KCNC2: variants seen among roughly 807,000 people sequenced by gnomAD.
The protein encoded by KCNC2 is voltage-gated potassium channel KCNC2.
Under a neutral mutation model 44.5 loss-of-function variants are expected in KCNC2, and 21 were observed. The ratio of observed to expected loss-of-function variants is 0.47; its 90% CI spans 0.33 to 0.68. KCNC2 has a LOEUF of 0.68. KCNC2 is among the 30% of genes least tolerant of loss of function. The pLI, the probability that KCNC2 is intolerant of heterozygous loss-of-function variation, is 0.01. For synonymous variants in KCNC2, 391 were observed against 339.1 expected, an observed-to-expected ratio of 1.15 and a Z score of -1.68; for missense variants, 589 against 826.2, an observed-to-expected ratio of 0.71 and a Z score of 3.52.
intron 2 of KCNC2, among the ~76,000 whole-genome samples, chr12:75,099,989 G>T (rs909028329): frequency 1.3e-5 from 2 of 150,492 alleles, no homozygotes; most frequent in African/African-American, 4.8e-5. Flanking sequence ...CAGAACCTCT[G>T]GGCTATATGA....
intron 2 of KCNC2, among the ~76,000 whole-genome samples, chr12:75,086,618 AAGCCAGTAGAATGT>A (rs1174406106): frequency 6.7e-6 from 1 of 148,516 alleles, no homozygotes; most frequent in East Asian, 2.0e-4. Flanking sequence ...GTTCACCTTC[AAGCCAGTAGAATGT>A]AGTCCCATAA....
intron 2 of KCNC2, among the ~76,000 whole-genome samples, chr12:75,147,727 G>A (rs1890123044): frequency 6.6e-6 from 1 of 152,080 alleles, no homozygotes; most frequent in Non-Finnish European, 1.5e-5. Flanking sequence ...TATGGAAAAA[G>A]ACATGGATAG....
In KCNC2 at chr12:75,207,408, G is replaced by C; in HGVS notation, c.576C>G (p.Ile192Met). Residue 192 changes from isoleucine to methionine, a missense_variant, in exon 2 of 5, where the codon ATC becomes ATG. Around this residue, in one of 7 missense-constraint regions of KCNC2, gnomAD observed 97 missense variants for 73.3 expected, o/e 1.32. Transcript: ENST00000549446. The surrounding 1 kb of genome is among the most constrained non-coding windows in gnomAD (Gnocchi z 4.1). ...GGCCCCCGAGCCCCGCCGCGTCCTCGATGCCCAGCCTCTTGGCCGCCAGGT... is the reference window on the plus strand; with the variant it reads ...GGCCCCCGAGCCCCGCCGCGTCCTCCATGCCCAGCCTCTTGGCCGCCAGGT... ...DEDLAAKRLG[I>M]EDAAGLGGPD... 6.3e-7 allele frequency: 1 copy of C among 1,598,040 alleles called. No individual in the cohort carries two copies. Among genetic ancestry groups the C allele is most frequent in the East Asian group, 2.3e-5 (1 of 44,124 alleles).
At chr12:75,136,664 A>G (rs1889253689) in intron 2 of KCNC2, among the ~76,000 whole-genome samples, 1 of 152,020 alleles carries the variant, frequency 6.6e-6, no homozygotes, top group Non-Finnish European at 1.5e-5. Flanking sequence ...GTAATAAGAT[A>G]GAATCAGTAA....
intron 2 of KCNC2, among the ~76,000 whole-genome samples, chr12:75,161,857 C>T (rs1183023848): frequency 1.3e-5 from 2 of 151,658 alleles, no homozygotes; most frequent in East Asian, 1.9e-4. Flanking sequence ...CAAAAAGCAA[C>T]AGCAATTAAA....
intron 2 of KCNC2, among the ~76,000 whole-genome samples, chr12:75,191,172 A>C (rs1442506581): frequency 2.0e-5 from 3 of 151,970 alleles, no homozygotes; most frequent in Non-Finnish European, 4.4e-5. Flanking sequence ...AAGCTATAAA[A>C]TTACTTTTTG....
At chr12:75,130,781 T>TAAAAAAAAAA (rs1224440806) in intron 2 of KCNC2, among the ~76,000 whole-genome samples, 1 of 122,624 alleles carries the variant, frequency 8.2e-6, no homozygotes. Flanking sequence ...CTCCTAGTAA[T>TAAAAAAAAAA]AAAAAAAAAA....
At chr12:75,073,076 A>G (rs1163194733) in intron 2 of KCNC2, among the ~76,000 whole-genome samples, 1 of 152,176 alleles carries the variant, frequency 6.6e-6, no homozygotes, top group Non-Finnish European at 1.5e-5. Context: ...AGGCTTCATA[A>G]TTCTGCATGG....
intron 2 of KCNC2, among the ~76,000 whole-genome samples, chr12:75,056,040 A>G (rs1471028093): frequency 6.6e-6 from 1 of 152,064 alleles, no homozygotes; most frequent in Non-Finnish European, 1.5e-5. Context: ...CTAATATTGC[A>G]GCAATTTTCA....
At chr12:75,107,340 A>T (rs1655691917) in intron 2 of KCNC2, among the ~76,000 whole-genome samples, 1 of 152,174 alleles carries the variant, frequency 6.6e-6, no homozygotes, top group Non-Finnish European at 1.5e-5. Flanking sequence ...TAATAACAAT[A>T]ACAATATCAT....
rs1467487305 is a variant in KCNC2, at chr12:75,042,245, T to C, written c.*860A>G. The C allele has an allele frequency of 4.4e-6, 7 of 1,585,726 alleles. No individual in the cohort carries two copies. The highest frequency in any genetic ancestry group is 6.0e-6 in the Non-Finnish European group (7 of 1,168,782). On this transcript the variant is annotated 3_prime_UTR_variant, in exon 5 of 5. Coordinates refer to ENST00000549446, the MANE Select transcript of KCNC2 (RefSeq NM_139137.4). ...AAGAGTCTAGAACCAAGCAGCAATT[T>C]CTGGCTAAACAATGCAAGCCTGGCT...
At chr12:75,193,619 G>T (rs780120503) in intron 2 of KCNC2, among the ~76,000 whole-genome samples, 16 of 152,082 alleles carry the variant, frequency 1.1e-4, no homozygotes, top group Non-Finnish European at 2.1e-4. Context: ...AAAATCTAAG[G>T]TACCTTCATA....
chr12:75,127,283 G>T (rs570459226), intron 2 of KCNC2, among the ~76,000 whole-genome samples: 1 of 152,176 alleles, frequency 6.6e-6, no homozygotes, highest in African/African-American at 2.4e-5. Flanking sequence ...TCCCTCACTT[G>T]CTTTCAGAGA....
intron 2 of KCNC2, among the ~76,000 whole-genome samples, chr12:75,135,869 A>T (rs979189119): frequency 6.6e-6 from 1 of 152,002 alleles, no homozygotes; most frequent in Non-Finnish European, 1.5e-5. Context: ...GTGTACCCAG[A>T]GCATGGCCAT....
intron 2 of KCNC2, among the ~76,000 whole-genome samples, chr12:75,200,180 A>G (rs1193023892): frequency 6.6e-6 from 1 of 151,842 alleles, no homozygotes. Context: ...GACAGCTAAA[A>G]TTTGTGCATT....
chr12:75,156,826 C>G (rs1890792067), intron 2 of KCNC2, among the ~76,000 whole-genome samples: 1 of 151,812 alleles, frequency 6.6e-6, no homozygotes, highest in Non-Finnish European at 1.5e-5. Flanking sequence ...TTCTTTATAT[C>G]ATTATCATAC....
chr12:75,134,990 C>A (rs1353175510), intron 2 of KCNC2, among the ~76,000 whole-genome samples: 2 of 151,702 alleles, frequency 1.3e-5, no homozygotes, highest in African/African-American at 2.4e-5. Flanking sequence ...TTTTAGTAAA[C>A]CCATTCATAA....
At chr12:75,068,034 A>G (rs1002310110) in intron 2 of KCNC2, among the ~76,000 whole-genome samples, 1 of 152,198 alleles carries the variant, frequency 6.6e-6, no homozygotes, top group Non-Finnish European at 1.5e-5. Flanking sequence ...CCAGGGAAGG[A>G]AACATTTGTA....
At chr12:75,102,385 TG>T (rs1391651380) in intron 2 of KCNC2, among the ~76,000 whole-genome samples, 1 of 149,910 alleles carries the variant, frequency 6.7e-6, no homozygotes, top group Admixed American at 6.7e-5. Context: ...TAGATGCAAA[TG>T]AGATGACTAA....
Sources: gnomAD v4.1 joint callset for allele counts (sites outside exome capture counted in the v4.1 genomes callset) on GRCh38, gnomAD v4.1.1 for gene constraint, gnomAD v4.1.1 regional missense constraint, Gnocchi (gnomAD v3.1) non-coding constraint, MANE v1.5 for transcripts, NCBI Gene and HGNC (gene_info 2026-07-23, HGNC 2026-07-21) for gene names.